The following RYR3 variants were observed in gnomAD, a reference collection of about 807,000 sequenced individuals.
The protein encoded by RYR3 is ryanodine receptor 3, also known as brain ryanodine receptor-calcium release channel.
RYR3 carries 207 observed loss-of-function variants against 584.3 expected under a neutral mutation model. That is an observed-to-expected ratio of 0.35 (90% CI 0.32 to 0.40). RYR3 has a LOEUF of 0.40. RYR3 is among the 10% of genes least tolerant of loss of function. The pLI is 1.00. For missense variants in RYR3, 5,616 were observed against 6,089.2 expected (o/e 0.92, Z 2.59); for synonymous variants, 2,416 against 2,248.5 (o/e 1.07, Z -2.11).
intron 25 of RYR3, 118 bp downstream of exon 25, chr15:33,634,851 A>C: frequency 6.2e-6 from 5 of 804,962 alleles, no homozygotes; most frequent in Non-Finnish European, 1.0e-5. Context: ...GGGGCTGAAG[A>C]GCACTAGACT....
At chr15:33,439,446 A>G (rs546023442) in intron 1 of RYR3, among the ~76,000 whole-genome samples, 2 of 152,184 alleles carry the variant, frequency 1.3e-5, no homozygotes, top group Non-Finnish European at 2.9e-5. Context: ...GCTTTTTAAA[A>G]GTACTGTATA....
rs368930816 is a variant in RYR3 at position 33,623,938 on chromosome 15, A to G, written c.2489A>G (p.Asp830Gly). 2 of 1,613,874 alleles carry G rather than the reference A, an allele frequency of 1.2e-6. No homozygotes were observed. The highest frequency in any genetic ancestry group is 1.7e-6 in the Non-Finnish European group (2 of 1,179,878). ...RLEPVKEYKR[D>G]ADGIRDLLGT... ...GAGCCTGTCAAAGAATATAAACGTG[A>G]TGCTGATGGCATTAGAGATCTCTTG... The change falls in exon 20 of 104, where the codon GAT becomes GGT. Residue 830 changes from aspartate (D) to glycine (G), a missense_variant. By Grantham distance (94) the Asp-to-Gly change is moderately conservative. This residue lies in a region of RYR3 where 1,284 missense variants were observed against 1,344.6 expected (regional missense o/e 0.95). Coordinates refer to ENST00000634891, the MANE Select transcript of RYR3 (RefSeq NM_001036.6).
At chr15:33,548,363 A>AAC (rs373944873) in intron 9 of RYR3, among the ~76,000 whole-genome samples, 159 bp downstream of exon 9, 13 of 151,918 alleles carry the variant, frequency 8.6e-5, no homozygotes, top group South Asian at 2.1e-4. Context: ...GTTTTTAAAG[A>AAC]ACACACACAC....
intron 43 of RYR3, among the ~76,000 whole-genome samples, chr15:33,707,923 C>T (rs2066833431): frequency 6.6e-6 from 1 of 152,278 alleles, no homozygotes; most frequent in South Asian, 2.1e-4. Context: ...GCTTACTTTT[C>T]TTCACTGTAC....
At chr15:33,396,247 A>G (rs913397277) in intron 1 of RYR3, among the ~76,000 whole-genome samples, 4 of 152,164 alleles carry the variant, frequency 2.6e-5, no homozygotes, top group Non-Finnish European at 5.9e-5. Flanking sequence ...GGCCTTCTTG[A>G]CAACTGCCGA....
At chr15:33,335,099 C>T (rs1052953305) in intron 1 of RYR3, among the ~76,000 whole-genome samples, 1 of 152,178 alleles carries the variant, frequency 6.6e-6, no homozygotes, top group South Asian at 2.1e-4. Context: ...ATTAGTTCAA[C>T]CATTGTGGAA....
In RYR3 at chr15:33,638,745, T is replaced by C. The variant is rs1321930134; in HGVS notation, c.3556+2195T>C. Among the ~76,000 whole-genome samples, 3 of 152,212 alleles carry C rather than the reference T, an allele frequency of 2.0e-5. No individual in the cohort carries two copies. The East Asian group carries it at 5.8e-4, about 29-fold the overall frequency. On this transcript the variant is annotated intron_variant, in intron 27 of 103. Coordinates refer to ENST00000634891, the MANE Select transcript of RYR3 (RefSeq NM_001036.6). Reference sequence around the variant, plus strand: ...TAGTTGTAAAAAAAGACGATAATAATGCAGAGCAGTAAGTTATCAATGACA... The same window carrying C: ...TAGTTGTAAAAAAAGACGATAATAACGCAGAGCAGTAAGTTATCAATGACA...
intron 1 of RYR3, among the ~76,000 whole-genome samples, chr15:33,365,161 GAA>G (rs2141038128): frequency 6.6e-6 from 1 of 152,334 alleles, no homozygotes; most frequent in East Asian, 1.9e-4. Flanking sequence ...AGCTGGTGCA[GAA>G]AGAGTCACAG....
At chr15:33,406,853 G>A (rs1202700393) in intron 1 of RYR3, among the ~76,000 whole-genome samples, 1 of 152,294 alleles carries the variant, frequency 6.6e-6, no homozygotes, top group East Asian at 1.9e-4. Context: ...CCTGAATTGA[G>A]TGTTTATTCA....
chr15:33,768,533 G>C (rs2073297094), intron 60 of RYR3, 125 bp from the exon 61 acceptor site: 3 of 799,196 alleles, frequency 3.8e-6, no homozygotes, highest in Non-Finnish European at 2.2e-6. Flanking sequence ...GGAACATAGT[G>C]CATCTCCCTA....
chr15:33,831,719 C>A (rs1336747433), intron 86 of RYR3, among the ~76,000 whole-genome samples: 1 of 152,130 alleles, frequency 6.6e-6, no homozygotes, highest in African/African-American at 2.4e-5. Flanking sequence ...AGAAAAGGAA[C>A]AGAGGATATA....
At chr15:33,828,872 A>G (rs1053073978) in intron 85 of RYR3, among the ~76,000 whole-genome samples, 5 of 152,226 alleles carry the variant, frequency 3.3e-5, no homozygotes, top group African/African-American at 1.2e-4. Flanking sequence ...ACGTACATGA[A>G]ACAGCCTTCT....
In RYR3 at chr15:33,583,922, C is replaced by T. The variant is rs565119400; in HGVS notation, c.1574-473C>T. On this transcript the variant is annotated intron_variant, in intron 14 of 103. Coordinates refer to ENST00000634891, the MANE Select transcript of RYR3 (RefSeq NM_001036.6). ...CAAAAATTAGCTGGGTGTGGTGGTG[C>T]ATGCCTGTAATCCCAGCTACTTGGG... Among the ~76,000 whole-genome samples, 7 of 152,166 alleles carry T rather than the reference C, an allele frequency of 4.6e-5. No individual in the cohort carries two copies. The South Asian group carries it at 1.0e-3, about 23-fold the overall frequency.
chr15:33,342,993 A>C (rs1657112020), intron 1 of RYR3, among the ~76,000 whole-genome samples: 1 of 152,180 alleles, frequency 6.6e-6, no homozygotes, highest in Admixed American at 6.5e-5. Context: ...GTTCTGTCTC[A>C]CTGCAGTTAA....
At chr15:33,407,306 A>G (rs2043093360) in intron 1 of RYR3, among the ~76,000 whole-genome samples, 1 of 152,224 alleles carries the variant, frequency 6.6e-6, no homozygotes, top group African/African-American at 2.4e-5. Flanking sequence ...CGAAGTAAAT[A>G]CATAATGTGA....
chr15:33,423,725 AC>A (rs1215726610), intron 1 of RYR3, among the ~76,000 whole-genome samples: 1 of 151,986 alleles, frequency 6.6e-6, no homozygotes, highest in African/African-American at 2.4e-5. Flanking sequence ...GCTCTTATGC[AC>A]CCTGGATTTG....
chr15:33,621,485 C>G (rs539636255), intron 19 of RYR3, among the ~76,000 whole-genome samples: 2 of 152,296 alleles, frequency 1.3e-5, no homozygotes, highest in African/African-American at 4.8e-5. Context: ...GTCATTATTT[C>G]CTGAGGTTCA....
At chr15:33,325,799 A>T (rs2048659) in intron 1 of RYR3, among the ~76,000 whole-genome samples, 59,362 of 132,442 alleles carry the variant, frequency 0.45, 13,151 homozygotes, top group African/African-American at 0.59. Flanking sequence ...TTCTCTTTTC[A>T]TTTCTTTTCT....
At chr15:33,832,721 A>T (rs1019811236) in intron 86 of RYR3, among the ~76,000 whole-genome samples, 1 of 151,582 alleles carries the variant, frequency 6.6e-6, no homozygotes, top group African/African-American at 2.4e-5. Context: ...TAAGAGCCAA[A>T]GGGGCCAGGT....
Sources: allele counts gnomAD v4.1 joint callset (sites outside exome capture counted in the v4.1 genomes callset), GRCh38; gene constraint gnomAD v4.1.1; regional missense constraint gnomAD v4.1.1; transcripts MANE v1.5; gene names NCBI Gene and HGNC (gene_info 2026-07-23, HGNC 2026-07-21).